The following ACSM2A variants were observed in gnomAD, a reference collection of about 807,000 sequenced individuals.
ACSM2A encodes the protein acyl-coenzyme A synthetase ACSM2A, mitochondrial.
ACSM2A carries 72 observed loss-of-function variants against 76.6 expected under a neutral mutation model. The observed-to-expected ratio is 0.94, with a 90% CI of 0.78 to 1.14. The LOEUF is 1.14. ACSM2A is among the 50% of genes most tolerant of loss of function. The probability of loss-of-function intolerance (pLI) is 0.00; values close to 1 mark genes in which losing one functional copy is unlikely to be tolerated. For synonymous variants in ACSM2A, 249 were observed against 255.9 expected (o/e 0.97, Z 0.26); for missense variants, 684 against 708.5 (o/e 0.97, Z 0.39).
rs1295547004 is a variant in ACSM2A, at chr16:20,465,680, C to T, written c.341C>T (p.Pro114Leu). The change falls in exon 3 of 14, where the codon CCC becomes CTC. Residue 114 changes from proline (P) to leucine (L), a missense_variant. Physicochemically the swap from Pro to Leu is moderately conservative, Grantham distance 98. Transcript: ENST00000573854. ...GGGGATCGTGTGGCAGTGGTGCTGC[C>T]CCGAGTGCCTGAGTGGTGGCTGGTG... Reference protein sequence around the residue: ...QRGDRVAVVLPRVPEWWLVIL... With the variant: ...QRGDRVAVVLLRVPEWWLVIL... 17 of 1,613,920 alleles carry T rather than the reference C, an allele frequency of 1.1e-5. No individual in the cohort carries two copies. The highest frequency in any genetic ancestry group is 3.3e-4 in the Middle Eastern group (2 of 6,056).
chr16:20,454,946 A>G (rs2012044323), intron 1 of ACSM2A, among the ~76,000 whole-genome samples: 1 of 151,944 alleles, frequency 6.6e-6, no homozygotes, highest in South Asian at 2.1e-4. Context: ...TCAGTGAAAT[A>G]GATAGCATAC....
At chr16:20,484,568 T>C (rs1399804614) in intron 13 of ACSM2A, among the ~76,000 whole-genome samples, 1 of 137,440 alleles carries the variant, frequency 7.3e-6, no homozygotes, top group Non-Finnish European at 1.6e-5. Context: ...AAGAGGCTTA[T>C]TAGGGAGTGT....
At position 20,475,726 on chromosome 16, in the gene ACSM2A, G is replaced by T. The variant is rs780965176; in HGVS notation, c.1051G>T (p.Ala351Ser). 3.1e-6 allele frequency: 5 copies of T among 1,614,052 alleles called. No homozygotes were observed. The highest frequency in any genetic ancestry group is 1.1e-5 in the South Asian group (1 of 91,070). Reference protein sequence around the residue: ...LLPETLENWRAQTGLDIRESY... With the variant: ...LLPETLENWRSQTGLDIRESY... ...TCCAGAAACTCTGGAGAACTGGAGGGCCCAGACAGGACTGGACATCCGAGA... is the reference window on the plus strand; with the variant it reads ...TCCAGAAACTCTGGAGAACTGGAGGTCCCAGACAGGACTGGACATCCGAGA... The change falls in exon 8 of 14, where the codon GCC becomes TCC. Residue 351 changes from alanine to serine, a missense_variant. Physicochemically the swap from Ala to Ser is moderately conservative, Grantham distance 99 (BLOSUM62 1). Transcript: ENST00000573854.
At chr16:20,472,190 C>T (rs2013457688) in intron 6 of ACSM2A, among the ~76,000 whole-genome samples, 1 of 152,148 alleles carries the variant, frequency 6.6e-6, no homozygotes, top group Admixed American at 6.5e-5. Flanking sequence ...TAGATACTGT[C>T]TTAGTCAGCT....
chr16:20,483,291 T>A, intron 13 of ACSM2A, 114 bp downstream of exon 13: 1 of 1,490,278 alleles, frequency 6.7e-7, no homozygotes, highest in Non-Finnish European at 9.0e-7. Flanking sequence ...TCTTCCTGGC[T>A]GGGCGCGGCA....
chr16:20,452,647 A>AC (rs913061476), intron 1 of ACSM2A, among the ~76,000 whole-genome samples: 1 of 141,176 alleles, frequency 7.1e-6, no homozygotes, highest in East Asian at 2.4e-4. Flanking sequence ...TCTCTAGAGA[A>AC]CCCTGACTAA....
intron 3 of ACSM2A, 76 bp from the exon 4 acceptor site, chr16:20,469,436 T>A: frequency 6.3e-7 from 1 of 1,595,810 alleles, no homozygotes; most frequent in Non-Finnish European, 8.5e-7. Flanking sequence ...TGCTCGCTGC[T>A]TGATGTTTAT....
intron 2 of ACSM2A, among the ~76,000 whole-genome samples, chr16:20,463,152 A>G (rs2012738417): frequency 6.6e-6 from 1 of 152,066 alleles, no homozygotes; most frequent in Non-Finnish European, 1.5e-5. Context: ...TAAGCTGTGC[A>G]GCACACCAAC....
At chr16:20,455,380 T>A (rs181679583) in intron 1 of ACSM2A, among the ~76,000 whole-genome samples, 6 of 151,584 alleles carry the variant, frequency 4.0e-5, no homozygotes, top group Non-Finnish European at 8.8e-5. Context: ...GGAAAGAATC[T>A]TAAGAGCTGT....
chr16:20,460,364 A>G, intron 2 of ACSM2A, 73 bp downstream of exon 2: 2 of 1,508,210 alleles, frequency 1.3e-6, no homozygotes, highest in Non-Finnish European at 1.8e-6. Flanking sequence ...TAATTCAGTA[A>G]ATATTTGTTA....
At chr16:20,463,324 G>A (rs964170559) in intron 2 of ACSM2A, among the ~76,000 whole-genome samples, 8 of 151,614 alleles carry the variant, frequency 5.3e-5, no homozygotes, top group African/African-American at 1.9e-4. Context: ...TGGAAGGGCA[G>A]GAGCAAAGTG....
chr16:20,483,006 G>A, intron 12 of ACSM2A, 52 bp from the exon 13 acceptor site: 1 of 1,594,620 alleles, frequency 6.3e-7, no homozygotes, highest in East Asian at 2.3e-5. Context: ...ATTATTCCAG[G>A]AGATGACTAC....
chr16:20,472,718 T>C (rs1289384154), intron 6 of ACSM2A, among the ~76,000 whole-genome samples: 1 of 151,914 alleles, frequency 6.6e-6, no homozygotes, highest in Non-Finnish European at 1.5e-5. Context: ...GAATTTCATG[T>C]AAATGGAGCC....
intron 6 of ACSM2A, among the ~76,000 whole-genome samples, chr16:20,472,667 A>C (rs2013490952): frequency 6.6e-6 from 1 of 151,528 alleles, no homozygotes; most frequent in African/African-American, 2.4e-5. Flanking sequence ...TTAATCATTC[A>C]TTTGATACCT....
At chr16:20,453,112 T>C (rs1442192124) in intron 1 of ACSM2A, 2 of 151,908 alleles carry the variant, frequency 1.3e-5, no homozygotes, top group Non-Finnish European at 2.9e-5. Flanking sequence ...AGAACTGAAA[T>C]TGTGGAAAAA....
intron 1 of ACSM2A, chr16:20,452,002 A>C (rs1435073125): frequency 1.3e-5 from 2 of 151,192 alleles, no homozygotes; most frequent in African/African-American, 4.9e-5. Flanking sequence ...TATTATGGAA[A>C]AAGAGAGGGA....
At chr16:20,476,803 G>A (rs2013762455) in intron 8 of ACSM2A, 2 of 856,724 alleles carry the variant, frequency 2.3e-6, no homozygotes, top group Non-Finnish European at 2.9e-6. Context: ...TTGTTATTCT[G>A]TTGGGAAGGT....
chr16:20,454,745 C>A (rs1278549435), intron 1 of ACSM2A, among the ~76,000 whole-genome samples: 1 of 151,708 alleles, frequency 6.6e-6, no homozygotes, highest in Non-Finnish European at 1.5e-5. Context: ...TATGACAAAA[C>A]AAGGCTGTTT....
chr16:20,452,504 G>A (rs2011826937), intron 1 of ACSM2A: 1 of 129,592 alleles, frequency 7.7e-6, no homozygotes, highest in African/African-American at 3.2e-5. Flanking sequence ...TATATATACA[G>A]TTGTGTATAT....
Sources: allele counts gnomAD v4.1 joint callset (sites outside exome capture counted in the v4.1 genomes callset), GRCh38; gene constraint gnomAD v4.1.1; transcripts MANE v1.5; gene names NCBI Gene and HGNC (gene_info 2026-07-23, HGNC 2026-07-21).